ARAP2: variants seen among roughly 807,000 people sequenced by gnomAD.
The protein encoded by ARAP2 is arf-GAP with Rho-GAP domain, ANK repeat and PH domain-containing protein 2.
ARAP2 carries 148 observed loss-of-function variants against 194.5 expected under a neutral mutation model. That is an observed-to-expected ratio of 0.76 (90% CI 0.67 to 0.87). ARAP2 has a LOEUF of 0.87. ARAP2 is among the 40% of genes least tolerant of loss of function. The pLI is 0.00. For synonymous variants in ARAP2, 695 were observed against 683.5 expected (o/e 1.02, Z -0.26); for missense variants, 2,128 against 1,989.7 (o/e 1.07, Z -1.32).
At chr4:36,125,035 C>T (rs1365805007) in intron 21 of ARAP2, 68 bp from the exon 22 acceptor site, 1 of 1,035,236 alleles carries the variant, frequency 9.7e-7, no homozygotes, top group Non-Finnish European at 1.5e-6. Flanking sequence ...TGTCTATCAG[C>T]AGTATTGTAA....
intron 3 of ARAP2, among the ~76,000 whole-genome samples, chr4:36,048,343 G>C (rs566475847): frequency 6.6e-6 from 1 of 151,980 alleles, no homozygotes; most frequent in Non-Finnish European, 1.5e-5. Flanking sequence ...CAAATAGGTA[G>C]TTTTTCAATA....
intron 2 of ARAP2, among the ~76,000 whole-genome samples, chr4:36,218,951 T>C (rs1191915613): frequency 2.6e-5 from 4 of 152,316 alleles, no homozygotes; most frequent in Non-Finnish European, 2.9e-5. Context: ...AAGATATAAA[T>C]GTAGCAAAAG....
intron 1 of ARAP2, among the ~76,000 whole-genome samples, chr4:36,234,387 C>T (rs1752064894): frequency 6.6e-6 from 1 of 152,194 alleles, no homozygotes; most frequent in African/African-American, 2.4e-5. Context: ...CAGAGCTCTG[C>T]CCTCATGACC....
At chr4:36,201,975 C>A (rs1355396026) in intron 6 of ARAP2, among the ~76,000 whole-genome samples, 3 of 152,084 alleles carry the variant, frequency 2.0e-5, no homozygotes, top group Admixed American at 6.5e-5. Context: ...TTTATTAATC[C>A]TGCCATTTAA....
chr4:36,096,354 G>A (rs1715242444), intron 27 of ARAP2, among the ~76,000 whole-genome samples: 1 of 94,818 alleles, frequency 1.1e-5, no homozygotes, highest in African/African-American at 8.5e-5. Context: ...GGCAGAGTGA[G>A]ACTCTCTCAA....
chr4:36,025,607 T>C (rs1466957640), intron 5 of ARAP2, among the ~76,000 whole-genome samples: 1 of 152,080 alleles, frequency 6.6e-6, no homozygotes, highest in African/African-American at 2.4e-5. Context: ...GAATTTGAGA[T>C]CTGTAGCAAG....
intron 11 of ARAP2, among the ~76,000 whole-genome samples, chr4:36,162,700 A>G (rs1490756834): frequency 6.6e-6 from 1 of 151,654 alleles, no homozygotes; most frequent in African/African-American, 2.4e-5. Flanking sequence ...ATGACTACCT[A>G]CAGGCAATAC....
Position 36,188,115 on chromosome 4 carries a change from A to G in ARAP2, c.1558-544T>C, listed in dbSNP as rs187921744. On this transcript the variant is annotated intron_variant, in intron 7 of 32. Coordinates refer to ENST00000303965, the MANE Select transcript of ARAP2 (RefSeq NM_015230.4). ...TTACTCTTCAATGAATAAAGAATAA[A>G]AAAAGACAGATTTTTCTGTTTCCAA... Among the ~76,000 whole-genome samples the G allele has an allele frequency of 5.4e-3, 826 of 152,338 alleles. 9 individuals carry two copies. The highest frequency in any genetic ancestry group is 0.019 in the African/African-American group (789 of 41,580).
chr4:36,179,149 A>G (rs541956470), intron 8 of ARAP2, among the ~76,000 whole-genome samples: 16 of 152,324 alleles, frequency 1.1e-4, no homozygotes, highest in African/African-American at 3.8e-4. Flanking sequence ...TTTAGCAATA[A>G]AAAGACATTA....
chr4:36,187,275 A>G (rs1253342083), intron 8 of ARAP2, among the ~76,000 whole-genome samples, 176 bp downstream of exon 8: 1 of 152,254 alleles, frequency 6.6e-6, no homozygotes, highest in African/African-American at 2.4e-5. Context: ...GAGGAAACAA[A>G]TAACTTGTCA....
intron 27 of ARAP2, among the ~76,000 whole-genome samples, chr4:36,105,111 G>C (rs1045173600): frequency 6.6e-6 from 1 of 151,994 alleles, no homozygotes; most frequent in African/African-American, 2.4e-5. Context: ...CTTGAGGTCA[G>C]CAATTCGAGA....
Position 36,212,454 on chromosome 4 carries a change from C to T in ARAP2, c.1075G>A (p.Gly359Arg), listed in dbSNP as rs755301183. 1.6e-5 allele frequency: 26 copies of T among 1,611,674 alleles called. No individual in the cohort carries two copies. Among genetic ancestry groups the T allele is most frequent in the Non-Finnish European group, 2.2e-5 (26 of 1,178,514 alleles). ...RSIKNEFLTQ[G>R]EALKGEAATA... ...GCTGCTTCCCCTTTGAGTGCTTCTC[C>T]CTGGGTCAAAAATTCATTCTTTATA... The change falls in exon 5 of 33, where the codon GGA becomes AGA. Residue 359 changes from glycine (G) to arginine (R), a missense_variant. Transcript: ENST00000303965.
chr4:36,197,224 C>T (rs1304277398), intron 6 of ARAP2, among the ~76,000 whole-genome samples: 1 of 152,080 alleles, frequency 6.6e-6, no homozygotes, highest in African/African-American at 2.4e-5. Flanking sequence ...ATATATCCAT[C>T]ACATCAAACA....
At chr4:36,199,074 G>A (rs1286140409) in intron 6 of ARAP2, among the ~76,000 whole-genome samples, 1 of 152,238 alleles carries the variant, frequency 6.6e-6, no homozygotes, top group Non-Finnish European at 1.5e-5. Context: ...ACTCGGAAGG[G>A]GCAGGGCTCC....
chr4:36,014,297 G>T (rs1715247480), intron 8 of ARAP2, among the ~76,000 whole-genome samples: 1 of 130,020 alleles, frequency 7.7e-6, no homozygotes, highest in South Asian at 2.5e-4. Context: ...AAGAAAGAAA[G>T]AAGAGAAGGA....
At chr4:36,139,758 TA>T (rs748651678) in intron 19 of ARAP2, among the ~76,000 whole-genome samples, 1 of 151,686 alleles carries the variant, frequency 6.6e-6, no homozygotes, top group Non-Finnish European at 1.5e-5. Flanking sequence ...ATTGATCAAA[TA>T]TTTCCTAATT....
At chr4:36,160,426 A>T in intron 13 of ARAP2, 33 bp downstream of exon 13, 1 of 1,469,136 alleles carries the variant, frequency 6.8e-7, no homozygotes, top group Non-Finnish European at 9.0e-7. Flanking sequence ...AAGACATTAA[A>T]ATCCACGTCT....
chr4:36,203,241 C>T (rs2109236766), intron 6 of ARAP2, among the ~76,000 whole-genome samples: 1 of 152,204 alleles, frequency 6.6e-6, no homozygotes, highest in Middle Eastern at 3.4e-3. Context: ...TAAAAGTCTA[C>T]ATCATAACTA....
At position 36,109,860 on chromosome 4, in the gene ARAP2, C is replaced by CA. The variant is rs577204857; in HGVS notation, c.4157-2168_4157-2167insT. 1.9e-4 allele frequency among the ~76,000 whole-genome samples: 23 copies of CA among 118,706 alleles called. No individual in the cohort carries two copies. The South Asian group carries it at 6.7e-3, about 35-fold the overall frequency. 77.9% of individuals were successfully genotyped at this position (118,706 alleles called of 152,430 possible). A position where few individuals can be genotyped will look rare whatever the true frequency, so the allele number is the denominator to read the frequency against. Reference sequence around the variant, plus strand: ...TATATCACCTAATGCTATCCCTCCCCCTCCCCCTTTTGAGCCTACTACTTG... The same window carrying CA: ...TATATCACCTAATGCTATCCCTCCCCACTCCCCCTTTTGAGCCTACTACTTG... On this transcript the variant is annotated intron_variant, in intron 26 of 32. Transcript: ENST00000303965.
Sources: allele counts gnomAD v4.1 joint callset (sites outside exome capture counted in the v4.1 genomes callset), GRCh38; gene constraint gnomAD v4.1.1; transcripts MANE v1.5; gene names NCBI Gene and HGNC (gene_info 2026-07-23, HGNC 2026-07-21).